ABHD8: variants seen among roughly 807,000 people sequenced by gnomAD.
ABHD8 encodes the protein abhydrolase domain containing 8, also known as protein ABHD8.
ABHD8 carries 10 observed loss-of-function variants against 29.3 expected under a neutral mutation model. The observed-to-expected ratio is 0.34, with a 90% CI of 0.21 to 0.58. The LOEUF (loss-of-function observed/expected upper bound fraction) is 0.58. Among genes scored for constraint, ABHD8 ranks in the 20% least tolerant of loss-of-function variants. ABHD8 has a pLI of 0.85. For synonymous variants in ABHD8, 282 were observed against 274.6 expected, an observed-to-expected ratio of 1.03 and a Z score of -0.27; for missense variants, 556 against 615.3, an observed-to-expected ratio of 0.90 and a Z score of 1.02.
chr19:17,300,765 A>G, intron 2 of ABHD8, 91 bp downstream of exon 2: 1 of 1,457,626 alleles, frequency 6.9e-7, no homozygotes, highest in Non-Finnish European at 9.2e-7. Flanking sequence ...GGCGTGAGCC[A>G]CGGGGCTCAG....
chr19:17,292,381 T>G lies in ABHD8; in HGVS notation c.*280A>C. Reference sequence around the variant, plus strand: ...CTTGGCCGTGGCGTTGGGGGGAAGGTGAGGGAGAGCTTCTGTACAAGGTCA... The same window carrying G: ...CTTGGCCGTGGCGTTGGGGGGAAGGGGAGGGAGAGCTTCTGTACAAGGTCA... On this transcript the variant is annotated 3_prime_UTR_variant, in exon 5 of 5. Transcript: ENST00000247706. 6.8e-6 allele frequency: 3 copies of G among 441,232 alleles called. No individual in the cohort carries two copies. Among genetic ancestry groups the G allele is most frequent in the Non-Finnish European group, 1.2e-5 (3 of 251,286 alleles). 27.3% of individuals were successfully genotyped at this position (441,232 alleles called of 1,614,324 possible). A position where few individuals can be genotyped will look rare whatever the true frequency, so the allele number is the denominator to read the frequency against.
At chr19:17,302,565 C>A (rs1191820013) in intron 1 of ABHD8, among the ~76,000 whole-genome samples, 1 of 152,166 alleles carries the variant, frequency 6.6e-6, no homozygotes, top group Admixed American at 6.5e-5. Flanking sequence ...CCACAGAAAG[C>A]CTTGCTCAGC....
rs1599520875 is a variant in ABHD8 at position 17,292,328 on chromosome 19, A to G, written c.*333T>C. On this transcript the variant is annotated 3_prime_UTR_variant, in exon 5 of 5. Transcript: ENST00000247706. ...GGTCCCAGGATCAAGCACGGCTGACACGGAAGACAGCGGGGTGGGGGGCCT... is the reference window on the plus strand; with the variant it reads ...GGTCCCAGGATCAAGCACGGCTGACGCGGAAGACAGCGGGGTGGGGGGCCT... 5.0e-6 allele frequency: 2 copies of G among 398,766 alleles called. No homozygotes were observed. The highest frequency in any genetic ancestry group is 8.9e-6 in the Non-Finnish European group (2 of 225,516). 24.7% of individuals were successfully genotyped at this position (398,766 alleles called of 1,614,324 possible).
chr19:17,292,302 G>C lies in ABHD8; in HGVS notation c.*359C>G. 2.7e-6 allele frequency: 1 copy of C among 374,954 alleles called. No individual in the cohort carries two copies. Among genetic ancestry groups the C allele is most frequent in the East Asian group, 4.0e-5 (1 of 24,774 alleles). 23.2% of individuals were successfully genotyped at this position (374,954 alleles called of 1,614,324 possible). On this transcript the variant is annotated 3_prime_UTR_variant, in exon 5 of 5. Transcript: ENST00000247706. ...CCTCGAGGGTCCCTGTGGGGCTCGT[G>C]GGTCCCAGGATCAAGCACGGCTGAC...
intron 2 of ABHD8, among the ~76,000 whole-genome samples, chr19:17,297,336 C>T (rs1459615187): frequency 1.3e-5 from 2 of 152,110 alleles, no homozygotes; most frequent in African/African-American, 4.8e-5. Context: ...TGCTCTGTCA[C>T]TCAGGCTGGA....
chr19:17,298,720 G>A (rs2074103763), intron 2 of ABHD8, among the ~76,000 whole-genome samples: 1 of 148,050 alleles, frequency 6.8e-6, no homozygotes, highest in African/African-American at 2.5e-5. Context: ...ATAGTGCTGG[G>A]ATTGAACAAC....
chr19:17,302,508 T>C (rs1381857355), intron 1 of ABHD8, among the ~76,000 whole-genome samples: 1 of 152,166 alleles, frequency 6.6e-6, no homozygotes, highest in African/African-American at 2.4e-5. Flanking sequence ...GGCTCTGAAT[T>C]TGACTCCTGA....
intron 4 of ABHD8, among the ~76,000 whole-genome samples, chr19:17,293,460 G>T (rs1437124909): frequency 7.2e-6 from 1 of 139,666 alleles, no homozygotes; most frequent in African/African-American, 2.7e-5. Flanking sequence ...CTTTGCTGGG[G>T]GGGCGGGGGT....
Position 17,294,700 on chromosome 19 carries a change from G to T in ABHD8, c.907C>A (p.Pro303Thr). The change falls in exon 3 of 5, where the codon CCC (proline) becomes ACC (threonine). Residue 303 changes from proline to threonine, a missense_variant. Physicochemically the swap from Pro to Thr is conservative, Grantham distance 38. Around this residue, in one of 2 missense-constraint regions of ABHD8, gnomAD observed 270 missense variants for 353.9 expected, o/e 0.76. Transcript: ENST00000247706. Reference protein sequence around the residue: ...MPTCVLHCLSPCLAWSFLKAG... With the variant: ...MPTCVLHCLSTCLAWSFLKAG... ...TTGAGGAAGCTCCAGGCCAGGCAGGGCGACAAGCAGTGCAGGACGCAGGTG... is the reference window on the plus strand; with the variant it reads ...TTGAGGAAGCTCCAGGCCAGGCAGGTCGACAAGCAGTGCAGGACGCAGGTG... 3 of 1,614,088 alleles carry T rather than the reference G, an allele frequency of 1.9e-6. No homozygotes were observed. The highest frequency in any genetic ancestry group is 2.5e-6 in the Non-Finnish European group (3 of 1,180,032).
In ABHD8 at chr19:17,301,318, C is replaced by T. The variant is rs763907147; in HGVS notation, c.299G>A (p.Arg100Gln). 10 of 1,607,452 alleles carry T rather than the reference C, an allele frequency of 6.2e-6. No individual in the cohort carries two copies. Among genetic ancestry groups the T allele is most frequent in the Non-Finnish European group, 7.6e-6 (9 of 1,179,846 alleles). Reference sequence around the variant, plus strand: ...ATTCTGCCCGTGTAGGAGGTCGGCTCGAGGGGCTCGGCCCAGGTTTTCCAC... The same window carrying T: ...ATTCTGCCCGTGTAGGAGGTCGGCTTGAGGGGCTCGGCCCAGGTTTTCCAC... ...LLVENLGRAP[R>Q]ADLLHGQNGS... The change falls in exon 2 of 5, where the codon CGA becomes CAA. Residue 100 changes from arginine (R) to glutamine (Q), a missense_variant. Transcript: ENST00000247706.
intron 4 of ABHD8, 109 bp downstream of exon 4, chr19:17,294,179 G>T: frequency 7.3e-7 from 1 of 1,368,368 alleles, no homozygotes; most frequent in Non-Finnish European, 9.8e-7. Flanking sequence ...GCCCCCTCGG[G>T]AAGAAAGCAC....
chr19:17,296,292 G>A (rs931212672), intron 2 of ABHD8: 19 of 152,298 alleles, frequency 1.2e-4, no homozygotes, highest in African/African-American at 4.6e-4. Flanking sequence ...GGGCTCAAGT[G>A]ATCCTTCCAC....
At position 17,294,761 on chromosome 19, in the gene ABHD8, C is replaced by A; in HGVS notation, c.846G>T (p.Ala282=). 1 of 1,614,148 alleles carries A rather than the reference C, an allele frequency of 6.2e-7. No individual in the cohort carries two copies. The highest frequency in any genetic ancestry group is 8.5e-7 in the Non-Finnish European group (1 of 1,180,034). ...AGATTGAGCAGAAGCTGGGCTCCAG[C>A]GCCGTAGGGCCCCCGCCATTGATCA... ...VIMINGGGPT[A]LEPSFCSIFN... The change falls in exon 3 of 5, where the codon GCG becomes GCT. Residue 282 remains alanine (A), a synonymous_variant. Coordinates refer to ENST00000247706, the MANE Select transcript of ABHD8 (RefSeq NM_024527.5).
intron 2 of ABHD8, 73 bp downstream of exon 2, chr19:17,300,783 C>A: frequency 6.7e-7 from 1 of 1,502,214 alleles, no homozygotes; most frequent in Non-Finnish European, 8.9e-7. Context: ...CAGCCAAAAA[C>A]TCAGTATTTT....
At position 17,292,763 on chromosome 19, in the gene ABHD8, C is replaced by T. The variant is rs1205734972; in HGVS notation, c.1218G>A (p.Glu406=). The change falls in exon 5 of 5, where the codon GAG becomes GAA. Residue 406 remains glutamate (E), a synonymous_variant. Coordinates refer to ENST00000247706, the MANE Select transcript of ABHD8 (RefSeq NM_024527.5). ...GSHMVMLECP[E]TVNTLLHEFL... is the part of the protein sequence containing the mutation. The stretch of plus-strand genomic sequence containing the variant: ...ATTCGTGGAGCAGCGTGTTGACCGT[C>T]TCAGGGCATTCCAGCATCACCATGT... The T allele has an allele frequency of 6.2e-7, 1 of 1,613,898 alleles. No individual in the cohort carries two copies. The highest frequency in any genetic ancestry group is 8.5e-7 in the Non-Finnish European group (1 of 1,179,958).
At chr19:17,300,759 T>C in intron 2 of ABHD8, 97 bp downstream of exon 2, 1 of 1,441,622 alleles carries the variant, frequency 6.9e-7, no homozygotes, top group East Asian at 2.3e-5. Context: ...ATTACAGGCG[T>C]GAGCCACGGG....
intron 1 of ABHD8, chr19:17,302,313 G>C (rs148136787): frequency 6.6e-6 from 1 of 152,306 alleles, no homozygotes; most frequent in Non-Finnish European, 1.5e-5. Flanking sequence ...ACCATTTATG[G>C]CCTCCTAACT....
rs773559603 is a variant in ABHD8 at position 17,301,301 on chromosome 19, C to A, written c.316G>T (p.Gly106Trp). ...GGCGGCTCCCCAGAGCCATTCTGCC[C>A]GTGTAGGAGGTCGGCTCGAGGGGCT... Reference protein sequence around the residue: ...GRAPRADLLHGQNGSGEPPAA... With the variant: ...GRAPRADLLHWQNGSGEPPAA... The change falls in exon 2 of 5, where the codon GGG becomes TGG. Residue 106 changes from glycine (G) to tryptophan (W), a missense_variant. Gly to Trp is a radical substitution (Grantham distance 184). Around this residue, in one of 2 missense-constraint regions of ABHD8, gnomAD observed 286 missense variants for 261.4 expected, o/e 1.09. Coordinates refer to ENST00000247706, the MANE Select transcript of ABHD8 (RefSeq NM_024527.5). The A allele has an allele frequency of 1.2e-6, 2 of 1,607,292 alleles. No homozygotes were observed. Among genetic ancestry groups the A allele is most frequent in the Middle Eastern group, 1.7e-4 (1 of 6,040 alleles).
chr19:17,300,755 G>T, intron 2 of ABHD8, 101 bp downstream of exon 2: 2 of 1,414,242 alleles, frequency 1.4e-6, no homozygotes, highest in East Asian at 2.3e-5. Flanking sequence ...TGGGATTACA[G>T]GCGTGAGCCA....
Sources: gnomAD v4.1 joint callset for allele counts (sites outside exome capture counted in the v4.1 genomes callset) on GRCh38, gnomAD v4.1.1 for gene constraint, gnomAD v4.1.1 regional missense constraint, MANE v1.5 for transcripts, NCBI Gene and HGNC (gene_info 2026-07-23, HGNC 2026-07-21) for gene names.